ZNF804B: variants seen among roughly 807,000 people sequenced by gnomAD.
The protein encoded by ZNF804B is zinc finger protein 804B, also known as zinc finger 804B.
Under a neutral mutation model 101.4 loss-of-function variants are expected in ZNF804B, and 80 were observed. The observed-to-expected ratio is 0.79, with a 90% CI of 0.66 to 0.95. ZNF804B has a LOEUF of 0.95. Ranked by LOEUF, ZNF804B falls within the 40% of genes least tolerant of loss-of-function variation. The pLI, the probability that ZNF804B is intolerant of heterozygous loss-of-function variation, is 0.00. For synonymous variants in ZNF804B, 622 were observed against 558.8 expected (o/e 1.11, Z -1.59); for missense variants, 1,673 against 1,561.9 (o/e 1.07, Z -1.20).
intron 2 of ZNF804B, among the ~76,000 whole-genome samples, chr7:89,246,025 G>A (rs371522543): frequency 2.0e-5 from 3 of 152,128 alleles, no homozygotes; most frequent in South Asian, 2.1e-4. Flanking sequence ...ACCTGAGACC[G>A]AGAGCAGGAT....
chr7:89,071,390 T>A (rs1394479616), intron 1 of ZNF804B, among the ~76,000 whole-genome samples: 2 of 152,194 alleles, frequency 1.3e-5, no homozygotes, highest in African/African-American at 4.8e-5. Flanking sequence ...TTTTAAAAAT[T>A]TCACTCAAGA....
At chr7:89,270,461 T>C (rs1789875385) in intron 2 of ZNF804B, among the ~76,000 whole-genome samples, 1 of 152,170 alleles carries the variant, frequency 6.6e-6, no homozygotes, top group Non-Finnish European at 1.5e-5. Flanking sequence ...CTGTTTTGGT[T>C]ACTGTAGCCT....
chr7:89,095,903 G>A (rs1022555564), intron 1 of ZNF804B, among the ~76,000 whole-genome samples: 1 of 152,206 alleles, frequency 6.6e-6, no homozygotes, highest in Non-Finnish European at 1.5e-5. Context: ...TGTAATCCCA[G>A]CCCTTTGGCA....
intron 1 of ZNF804B, among the ~76,000 whole-genome samples, chr7:88,934,970 C>T (rs532241048): frequency 6.6e-6 from 1 of 151,494 alleles, no homozygotes; most frequent in African/African-American, 2.4e-5. Context: ...AGACATGGAA[C>T]CAAGCTAAGT....
intron 1 of ZNF804B, among the ~76,000 whole-genome samples, chr7:89,184,769 T>C (rs1313823720): frequency 6.6e-6 from 1 of 152,178 alleles, no homozygotes; most frequent in African/African-American, 2.4e-5. Flanking sequence ...CCACAAGTTA[T>C]GTATGAACTT....
rs936305877 is a variant in ZNF804B, at chr7:89,255,084, T to G, written c.249+36789T>G. Among the ~76,000 whole-genome samples, 5 of 152,318 alleles carry G rather than the reference T, an allele frequency of 3.3e-5. No individual in the cohort carries two copies. The East Asian group carries it at 9.6e-4, about 29-fold the overall frequency. On this transcript the variant is annotated intron_variant, in intron 2 of 3. Coordinates refer to ENST00000333190, the MANE Select transcript of ZNF804B (RefSeq NM_181646.5). ...GGAGACAGATTTAATTGACTCACAG[T>G]TCCACATTGCTGGGAGGCCTCAGGA...
intron 1 of ZNF804B, among the ~76,000 whole-genome samples, chr7:88,802,143 T>G (rs1441593774): frequency 6.6e-6 from 1 of 152,176 alleles, no homozygotes; most frequent in Non-Finnish European, 1.5e-5. Context: ...CTCCTTGTTC[T>G]GCTTCACCTT....
At chr7:89,078,378 G>C (rs1789643795) in intron 1 of ZNF804B, among the ~76,000 whole-genome samples, 1 of 151,972 alleles carries the variant, frequency 6.6e-6, no homozygotes, top group Admixed American at 6.6e-5. Context: ...GAAAATTGTT[G>C]GTCATGCTTC....
chr7:89,143,312 A>C (rs1790744411), intron 1 of ZNF804B, among the ~76,000 whole-genome samples: 1 of 151,760 alleles, frequency 6.6e-6, no homozygotes, highest in African/African-American at 2.4e-5. Context: ...TGTTGGACAC[A>C]GATTTTATTA....
intron 1 of ZNF804B, among the ~76,000 whole-genome samples, chr7:89,135,985 TTA>T (rs1562893824): frequency 6.6e-6 from 1 of 152,114 alleles, no homozygotes; most frequent in Admixed American, 6.6e-5. Flanking sequence ...TAGCAAAAAT[TTA>T]TGTTTTTGAA....
intron 2 of ZNF804B, among the ~76,000 whole-genome samples, chr7:89,302,652 A>G (rs1404267123): frequency 6.6e-6 from 1 of 151,914 alleles, no homozygotes; most frequent in Admixed American, 6.6e-5. Context: ...CCATTTTGCA[A>G]TCTAGCTACA....
chr7:89,286,598 A>T (rs1183084691), intron 2 of ZNF804B, among the ~76,000 whole-genome samples: 4 of 152,218 alleles, frequency 2.6e-5, no homozygotes, highest in Non-Finnish European at 5.9e-5. Context: ...TAGCTAACAG[A>T]TACCAATGAG....
intron 1 of ZNF804B, among the ~76,000 whole-genome samples, chr7:88,855,890 G>A (rs959407668): frequency 6.6e-6 from 1 of 152,050 alleles, no homozygotes; most frequent in African/African-American, 2.4e-5. Context: ...GTTTTTGTCA[G>A]GTTTGTCAAA....
chr7:88,976,211 T>C (rs986617651), intron 1 of ZNF804B, among the ~76,000 whole-genome samples: 1 of 151,736 alleles, frequency 6.6e-6, no homozygotes, highest in Non-Finnish European at 1.5e-5. Flanking sequence ...TTCTTATTGC[T>C]CAGAATGGCT....
At chr7:88,968,060 C>T (rs1395474756) in intron 1 of ZNF804B, among the ~76,000 whole-genome samples, 1 of 151,218 alleles carries the variant, frequency 6.6e-6, no homozygotes, top group Admixed American at 6.6e-5. Flanking sequence ...TATATTCTAA[C>T]CTTTCAAAAA....
chr7:88,989,695 T>C (rs1294977348), intron 1 of ZNF804B, among the ~76,000 whole-genome samples: 2 of 152,126 alleles, frequency 1.3e-5, no homozygotes, highest in Non-Finnish European at 1.5e-5. Context: ...TAGCTTATAA[T>C]TTTGCTCTTT....
intron 1 of ZNF804B, among the ~76,000 whole-genome samples, chr7:89,078,237 T>C (rs560514877): frequency 4.6e-5 from 7 of 152,208 alleles, no homozygotes; most frequent in Non-Finnish European, 1.0e-4. Context: ...AATATATTAT[T>C]GCATCAATGA....
intron 1 of ZNF804B, among the ~76,000 whole-genome samples, chr7:88,820,549 G>A (rs1790961185): frequency 6.6e-6 from 1 of 152,188 alleles, no homozygotes; most frequent in Admixed American, 6.5e-5. Flanking sequence ...TGAATTCTGG[G>A]TGGCTTGCAG....
intron 2 of ZNF804B, among the ~76,000 whole-genome samples, chr7:89,321,891 A>C (rs2115969971): frequency 6.6e-6 from 1 of 152,304 alleles, no homozygotes; most frequent in Non-Finnish European, 1.5e-5. Context: ...GTAATAGAAA[A>C]GAGATATGAC....
Sources: allele counts gnomAD v4.1 joint callset (sites outside exome capture counted in the v4.1 genomes callset), GRCh38; gene constraint gnomAD v4.1.1; transcripts MANE v1.5; gene names NCBI Gene and HGNC (gene_info 2026-07-23, HGNC 2026-07-21).